ZNF223: variants seen among roughly 807,000 people sequenced by gnomAD.
ZNF223 encodes the protein zinc finger protein 223, also known as Homo sapiens zinc finger protein 223.
Under a neutral mutation model 12.3 loss-of-function variants are expected in ZNF223, and 9 were observed. The ratio of observed to expected loss-of-function variants is 0.73; its 90% CI spans 0.44 to 1.28. The LOEUF (loss-of-function observed/expected upper bound fraction) is 1.28. Ranked by LOEUF, ZNF223 falls within the 50% of genes most tolerant of loss-of-function variation. ZNF223 has a pLI of 0.00. For synonymous variants in ZNF223, 171 were observed against 195.2 expected, an observed-to-expected ratio of 0.88 and a Z score of 1.03; for missense variants, 506 against 579.0, an observed-to-expected ratio of 0.87 and a Z score of 1.29.
rs1282897833 is a variant in ZNF223 at position 44,067,972 on chromosome 19, A to C, written c.*695A>C. 1 of 153,580 alleles carries C rather than the reference A, an allele frequency of 6.5e-6. No individual in the cohort carries two copies. Among genetic ancestry groups the C allele is most frequent in the Non-Finnish European group, 1.4e-5 (1 of 69,064 alleles). 9.5% of individuals were successfully genotyped at this position (153,580 alleles called of 1,614,324 possible). A position where few individuals can be genotyped will look rare whatever the true frequency, so the allele number is the denominator to read the frequency against. On this transcript the variant is annotated 3_prime_UTR_variant, in exon 5 of 5. Transcript: ENST00000434772. ...TGTCTCCAAAAAAAAAAATTAAATAAATACCTTTCTTTGTTTCTAGACAAG... is the reference window on the plus strand; with the variant it reads ...TGTCTCCAAAAAAAAAAATTAAATACATACCTTTCTTTGTTTCTAGACAAG...
At chr19:44,060,655 G>A in intron 3 of ZNF223, 74 bp downstream of exon 3, 2 of 1,613,476 alleles carry the variant, frequency 1.2e-6, no homozygotes, top group Admixed American at 1.7e-5. Flanking sequence ...GTTCAAGTTT[G>A]AGTGTGCAGT....
In ZNF223 at chr19:44,066,319, A is replaced by G. The variant is rs1425878163; in HGVS notation, c.491A>G (p.Asp164Gly). Reference sequence around the variant, plus strand: ...TCCTTCAGTGATATGTCCATCTTTGATCTTCCTCAGCAAATACGCTCAGCA... The same window carrying G: ...TCCTTCAGTGATATGTCCATCTTTGGTCTTCCTCAGCAAATACGCTCAGCA... ...KQSFSDMSIF[D>G]LPQQIRSAEK... is the part of the protein sequence containing the mutation. Residue 164 changes from aspartate (D) to glycine (G), a missense_variant, in exon 5 of 5, where the codon GAT becomes GGT. Physicochemically the swap from Asp to Gly is moderately conservative, Grantham distance 94. Transcript: ENST00000434772. The G allele has an allele frequency of 1.2e-6, 2 of 1,614,204 alleles. No homozygotes were observed. The highest frequency in any genetic ancestry group is 1.7e-6 in the Non-Finnish European group (2 of 1,180,036).
At position 44,067,145 on chromosome 19, in the gene ZNF223, C is replaced by T. The variant is rs1465705001; in HGVS notation, c.1317C>T (p.Tyr439=). The change falls in exon 5 of 5, where the codon TAC becomes TAT. Residue 439 remains tyrosine (Y), a synonymous_variant. Transcript: ENST00000434772. ...KCEDCGKKLV[Y]RSYRKDQQKN... ...AGGATTGTGGAAAGAAGCTTGTATACCGGTCATACCGTAAAGACCAACAAA... is the reference window on the plus strand; with the variant it reads ...AGGATTGTGGAAAGAAGCTTGTATATCGGTCATACCGTAAAGACCAACAAA... 1.9e-6 allele frequency: 3 copies of T among 1,613,512 alleles called. No homozygotes were observed. Among genetic ancestry groups the T allele is most frequent in the Non-Finnish European group, 2.5e-6 (3 of 1,179,898 alleles).
At chr19:44,062,370 T>C (rs58056761) in intron 4 of ZNF223, among the ~76,000 whole-genome samples, 4,473 of 152,320 alleles carry the variant, frequency 0.029, 215 homozygotes, top group African/African-American at 0.1. Flanking sequence ...TGTCACTTCA[T>C]TCACAAGGAT....
At chr19:44,062,867 G>A (rs1358119068) in intron 4 of ZNF223, among the ~76,000 whole-genome samples, 1 of 152,176 alleles carries the variant, frequency 6.6e-6, no homozygotes, top group African/African-American at 2.4e-5. Flanking sequence ...CCCTTAGAGG[G>A]GGAAGAATGA....
In ZNF223 at chr19:44,067,513, A is replaced by G; in HGVS notation, c.*236A>G. 1 of 574,964 alleles carries G rather than the reference A, an allele frequency of 1.7e-6. No homozygotes were observed. Among genetic ancestry groups the G allele is most frequent in the Non-Finnish European group, 3.2e-6 (1 of 312,382 alleles). The allele number at this position is 574,964 out of a possible 1,614,324, so 35.6% of individuals were successfully genotyped here. A position where few individuals can be genotyped will look rare whatever the true frequency, so the allele number is the denominator to read the frequency against. ...CTTATCTACCTGTACTTTTGCATCC[A>G]TTAGCCAACCTTTGGCCATCCCACC... On this transcript the variant is annotated 3_prime_UTR_variant, in exon 5 of 5. Transcript: ENST00000434772.
chr19:44,060,238 A>G, intron 2 of ZNF223: 1 of 778,222 alleles, frequency 1.3e-6, no homozygotes, highest in Non-Finnish European at 2.0e-6. Context: ...ATAAGACCAC[A>G]AGACTTCTTT....
At chr19:44,061,620 T>G (rs748827126) in intron 4 of ZNF223, among the ~76,000 whole-genome samples, 2 of 152,254 alleles carry the variant, frequency 1.3e-5, no homozygotes, top group Non-Finnish European at 2.9e-5. Context: ...AAGTTGACTT[T>G]CCTACTTTCT....
At chr19:44,060,235 C>T in intron 2 of ZNF223, 1 of 755,064 alleles carries the variant, frequency 1.3e-6, no homozygotes, top group Non-Finnish European at 2.0e-6. Context: ...TAAATAAGAC[C>T]ACAAGACTTC....
At position 44,066,550 on chromosome 19, in the gene ZNF223, T is replaced by G; in HGVS notation, c.722T>G (p.Phe241Cys). The G allele has an allele frequency of 1.2e-6, 2 of 1,614,136 alleles. No homozygotes were observed. The highest frequency in any genetic ancestry group is 1.7e-6 in the Non-Finnish European group (2 of 1,180,006). ...PFKCEQCGRG[F>C]RCRSALTVHC... ...AAATGTGAACAATGTGGGAGAGGCT[T>G]CAGATGTAGATCAGCACTTACAGTT... Residue 241 changes from phenylalanine (F) to cysteine (C), a missense_variant, in exon 5 of 5, where the codon TTC becomes TGC. Physicochemically the swap from Phe to Cys is radical, Grantham distance 205 (BLOSUM62 -2). Coordinates refer to ENST00000434772, the MANE Select transcript of ZNF223 (RefSeq NM_013361.6).
At chr19:44,063,660 T>G (rs911061236) in intron 4 of ZNF223, 1 of 152,292 alleles carries the variant, frequency 6.6e-6, no homozygotes, top group African/African-American at 2.4e-5. Flanking sequence ...TGGGCCCCTC[T>G]CCAAAGCAGC....
intron 4 of ZNF223, among the ~76,000 whole-genome samples, chr19:44,065,500 TATTA>T (rs1976896186): frequency 6.6e-6 from 1 of 152,000 alleles, no homozygotes; most frequent in African/African-American, 2.4e-5. Context: ...GTATGTGTCA[TATTA>T]ATTTTTTATT....
Position 44,065,967 on chromosome 19 carries a change from A to G in ZNF223, c.236-97A>G, listed in dbSNP as rs1976903736. ...TGCACTTGGAAAACACAAACTGAAC[A>G]TTCGTTGAAGTTTCATACCATGTCC... is the stretch of plus-strand genomic sequence containing the variant. On this transcript the variant is annotated intron_variant, in intron 4 of 4. Coordinates refer to ENST00000434772, the MANE Select transcript of ZNF223 (RefSeq NM_013361.6). 6.0e-6 allele frequency: 9 copies of G among 1,494,274 alleles called. No homozygotes were observed. The East Asian group carries it at 2.1e-4, about 34-fold the overall frequency. The allele number at this position is 1,494,274 out of a possible 1,614,324, so 92.6% of individuals were successfully genotyped here.
chr19:44,054,594 A>G (rs1263581849), intron 1 of ZNF223, among the ~76,000 whole-genome samples: 1 of 152,052 alleles, frequency 6.6e-6, no homozygotes, highest in Non-Finnish European at 1.5e-5. Context: ...TTTCAGGTAT[A>G]CAAGTCAGTT....
intron 1 of ZNF223, among the ~76,000 whole-genome samples, chr19:44,053,506 C>A (rs1223077506): frequency 6.6e-6 from 1 of 152,230 alleles, no homozygotes; most frequent in Admixed American, 6.5e-5. Flanking sequence ...CAGTATGTCT[C>A]ACCTCCAGCC....
At chr19:44,066,023 G>C in intron 4 of ZNF223, 41 bp from the exon 5 acceptor site, 1 of 1,541,740 alleles carries the variant, frequency 6.5e-7, no homozygotes, top group Non-Finnish European at 8.7e-7. Flanking sequence ...CACTGAACAG[G>C]GCATAGCTTG....
At chr19:44,057,362 C>A (rs1390025258) in intron 2 of ZNF223, among the ~76,000 whole-genome samples, 2 of 152,100 alleles carry the variant, frequency 1.3e-5, no homozygotes, top group Admixed American at 1.3e-4. Context: ...GTTCTTACAT[C>A]TTACTACTTA....
chr19:44,060,302 C>G, intron 2 of ZNF223, 153 bp from the exon 3 acceptor site: 1 of 1,289,098 alleles, frequency 7.8e-7, no homozygotes, highest in Non-Finnish European at 1.1e-6. Flanking sequence ...ATTGTCAGGA[C>G]ACAGACTAGA....
intron 2 of ZNF223, among the ~76,000 whole-genome samples, chr19:44,055,927 G>A (rs1248593150): frequency 1.3e-5 from 2 of 152,104 alleles, no homozygotes; most frequent in African/African-American, 4.8e-5. Context: ...AAAATCAGAG[G>A]CAATCAAGGA....
Sources: gnomAD v4.1 joint callset for allele counts (sites outside exome capture counted in the v4.1 genomes callset) on GRCh38, gnomAD v4.1.1 for gene constraint, MANE v1.5 for transcripts, NCBI Gene and HGNC (gene_info 2026-07-23, HGNC 2026-07-21) for gene names.